The following DPP6 variants were observed in gnomAD, a reference collection of about 807,000 sequenced individuals.
DPP6 encodes A-type potassium channel modulatory protein DPP6.
Under a neutral mutation model 122.6 loss-of-function variants are expected in DPP6, and 69 were observed. The ratio of observed to expected loss-of-function variants is 0.56; its 90% CI spans 0.46 to 0.69. DPP6 has a LOEUF of 0.69. DPP6 is among the 30% of genes least tolerant of loss of function. DPP6 has a pLI of 0.00. For synonymous variants in DPP6, 418 were observed against 433.1 expected, an observed-to-expected ratio of 0.97 and a Z score of 0.43; for missense variants, 928 against 1,116.9, an observed-to-expected ratio of 0.83 and a Z score of 2.41.
chr7:153,951,345 G>T (rs1341709768), intron 1 of DPP6, among the ~76,000 whole-genome samples: 1 of 152,186 alleles, frequency 6.6e-6, no homozygotes, highest in East Asian at 1.9e-4. Context: ...TATCTGACCT[G>T]CTCCTGTTTC....
intron 14 of DPP6, 22 bp downstream of exon 14, chr7:154,803,977 GC>G: frequency 1.2e-6 from 2 of 1,610,930 alleles, no homozygotes. Flanking sequence ...CCAGGGGCCT[GC>G]CCCATCTTAC....
chr7:154,074,144 T>TATAGATATCTATATATATCTCTCTAG (rs1276420086), intron 1 of DPP6, among the ~76,000 whole-genome samples: 1 of 148,810 alleles, frequency 6.7e-6, no homozygotes, highest in South Asian at 2.2e-4. Context: ...TATCTCTCTA[T>TATAGATATCTATATATATCTCTCTAG]ATATGTATAT....
the DPP6 span, among the ~76,000 whole-genome samples, chr7:153,814,771 G>A: frequency 1.4e-4 from 21 of 151,878 alleles, no homozygotes; most frequent in Non-Finnish European, 2.5e-4. Context: ...TGATCAAGTC[G>A]GCTTCATCCC....
intron 1 of DPP6, among the ~76,000 whole-genome samples, chr7:154,246,383 A>G (rs1282277435): frequency 6.6e-6 from 1 of 152,238 alleles, no homozygotes; most frequent in African/African-American, 2.4e-5. Context: ...ATGTGAAAGA[A>G]AAAATAAAAT....
In DPP6 at chr7:154,794,148, G is replaced by A. The variant is rs1254668599; in HGVS notation, c.1206G>A (p.Ala402=). The A allele has an allele frequency of 1.9e-6, 3 of 1,613,070 alleles. No homozygotes were observed. The highest frequency in any genetic ancestry group is 2.5e-6 in the Non-Finnish European group (3 of 1,179,492). ...TCGCCGTGACCTGGCTGAACCGGGC[G>A]CAGAACGTGTCCATCCTCACCCTCT... ...TKVAVTWLNR[A]QNVSILTLCD... The change falls in exon 11 of 26, where the codon GCG becomes GCA. Residue 402 remains alanine, a synonymous_variant. Transcript: ENST00000377770.
the DPP6 span, among the ~76,000 whole-genome samples, chr7:153,803,844 C>A: frequency 6.9e-6 from 1 of 145,656 alleles, no homozygotes; most frequent in Non-Finnish European, 1.5e-5. Flanking sequence ...TGTGTACATA[C>A]ACACACACAC....
At chr7:153,937,437 C>CTTTTTTT (rs201001951) in intron 1 of DPP6, among the ~76,000 whole-genome samples, 1 of 115,474 alleles carries the variant, frequency 8.7e-6, no homozygotes, top group Non-Finnish European at 1.7e-5. Flanking sequence ...TCAGAGCTAA[C>CTTTTTTT]TTTTTTTTTT....
intron 3 of DPP6, among the ~76,000 whole-genome samples, chr7:154,521,057 A>G (rs1055552717): frequency 2.6e-5 from 4 of 152,168 alleles, no homozygotes; most frequent in African/African-American, 7.2e-5. Context: ...AAATAATAGA[A>G]TCATCATAAT....
chr7:154,374,446 T>C (rs1812939606), intron 1 of DPP6, among the ~76,000 whole-genome samples: 1 of 152,128 alleles, frequency 6.6e-6, no homozygotes, highest in Admixed American at 6.5e-5. Flanking sequence ...CCAAGAGCCA[T>C]AGGAGTGCAT....
intron 1 of DPP6, among the ~76,000 whole-genome samples, chr7:154,384,339 C>T (rs1813893343): frequency 6.6e-6 from 1 of 152,152 alleles, no homozygotes; most frequent in African/African-American, 2.4e-5. Context: ...ATCTTAAATG[C>T]CTCTGGGAGA....
At chr7:154,487,897 C>A (rs937670140) in intron 3 of DPP6, among the ~76,000 whole-genome samples, 1 of 152,192 alleles carries the variant, frequency 6.6e-6, no homozygotes, top group African/African-American at 2.4e-5. Context: ...ACTCATCAAT[C>A]TTTTGCCCAC....
At chr7:154,292,701 G>A (rs921181338) in intron 1 of DPP6, among the ~76,000 whole-genome samples, 1 of 152,168 alleles carries the variant, frequency 6.6e-6, no homozygotes, top group South Asian at 2.1e-4. Flanking sequence ...TAGAATAAAA[G>A]GAATCCTGTG....
chr7:154,354,445 A>G (rs1243889605), intron 1 of DPP6, among the ~76,000 whole-genome samples: 4 of 152,234 alleles, frequency 2.6e-5, no homozygotes, highest in Admixed American at 2.6e-4. Context: ...AGCCTAAGCC[A>G]CTGCAACAGC....
chr7:153,866,338 C>T, the DPP6 span, among the ~76,000 whole-genome samples: 41 of 152,218 alleles, frequency 2.7e-4, no homozygotes, highest in African/African-American at 8.4e-4. Context: ...TTTTAATGAT[C>T]GCCGTTCTAC....
At chr7:154,798,255 C>T (rs1023036718) in intron 12 of DPP6, among the ~76,000 whole-genome samples, 1 of 152,180 alleles carries the variant, frequency 6.6e-6, no homozygotes, top group African/African-American at 2.4e-5. Flanking sequence ...CCAGCGCTCA[C>T]TTCATTAGCT....
chr7:154,758,933 A>G (rs963259841), intron 8 of DPP6, among the ~76,000 whole-genome samples: 2 of 152,222 alleles, frequency 1.3e-5, no homozygotes, highest in African/African-American at 4.8e-5. Flanking sequence ...CGCAGCCTCT[A>G]TAAGCAGCAG....
chr7:153,977,465 G>C (rs960317686), intron 1 of DPP6, among the ~76,000 whole-genome samples: 4 of 152,172 alleles, frequency 2.6e-5, no homozygotes, highest in African/African-American at 9.7e-5. Flanking sequence ...TTATGTGCAT[G>C]TGTCTCTAGG....
chr7:154,506,211 G>T (rs1361987645), intron 3 of DPP6, among the ~76,000 whole-genome samples: 1 of 146,278 alleles, frequency 6.8e-6, no homozygotes, highest in Non-Finnish European at 1.5e-5. Flanking sequence ...TTTTTTGTAG[G>T]ATTTTACACA....
intron 10 of DPP6, among the ~76,000 whole-genome samples, chr7:154,786,711 A>C (rs1371329272): frequency 6.6e-6 from 1 of 152,142 alleles, no homozygotes; most frequent in African/African-American, 2.4e-5. Context: ...GTGAGAATAG[A>C]CTTCTGATAA....
Sources: allele counts gnomAD v4.1 joint callset (sites outside exome capture counted in the v4.1 genomes callset), GRCh38; gene constraint gnomAD v4.1.1; transcripts MANE v1.5; gene names NCBI Gene and HGNC (gene_info 2026-07-23, HGNC 2026-07-21).